The following PABPN1 variants were observed in gnomAD, a reference collection of about 807,000 sequenced individuals.
PABPN1 encodes the protein polyadenylate-binding protein 2.
Under a neutral mutation model 33.4 loss-of-function variants are expected in PABPN1, and 5 were observed. That is an observed-to-expected ratio of 0.15 (90% CI 0.08 to 0.32). The LOEUF is 0.32. Ranked by LOEUF, PABPN1 falls within the 10% of genes least tolerant of loss-of-function variation. The pLI, the probability that PABPN1 is intolerant of heterozygous loss-of-function variation, is 1.00. For synonymous variants in PABPN1, 176 were observed against 170.6 expected (o/e 1.03, Z -0.25); for missense variants, 312 against 425.8 (o/e 0.73, Z 2.35).
Position 23,322,176 on chromosome 14 carries a change from A to T in PABPN1, c.352-5A>T. 1 of 1,601,654 alleles carries T rather than the reference A, an allele frequency of 6.2e-7. No individual in the cohort carries two copies. Among genetic ancestry groups the T allele is most frequent in the Non-Finnish European group, 8.5e-7 (1 of 1,174,010 alleles). On this transcript the variant is annotated splice_region_variant and splice_polypyrimidine_tract_variant and intron_variant, in intron 1 of 6. Coordinates refer to ENST00000216727, the MANE Select transcript of PABPN1 (RefSeq NM_004643.4). ...TGTCCTCCATACCCTCCCCACTTATATTAGGAGCTGGAAGCTATCAAAGCT... is the reference window on the plus strand; with the variant it reads ...TGTCCTCCATACCCTCCCCACTTATTTTAGGAGCTGGAAGCTATCAAAGCT...
chr14:23,323,978 G>C lies in PABPN1; in HGVS notation c.655G>C (p.Glu219Gln). The C allele has an allele frequency of 6.2e-7, 1 of 1,614,118 alleles. No homozygotes were observed. The highest frequency in any genetic ancestry group is 8.5e-7 in the Non-Finnish European group (1 of 1,180,026). Residue 219 changes from glutamate to glutamine, a missense_variant, in exon 5 of 7, where the codon GAG becomes CAG. By Grantham distance (29) the Glu-to-Gln change is conservative. Around this residue, in one of 3 missense-constraint regions of PABPN1, gnomAD observed 77 missense variants for 185.7 expected, o/e 0.41. Transcript: ENST00000216727. ...AATTCTTTTCAGGTTTGCGTATATA[G>C]AGTTCTCAGACAAAGAGTCAGTGAG... ...SGHPKGFAYI[E>Q]FSDKESVRTS...
intron 2 of PABPN1, 179 bp from the exon 3 acceptor site, chr14:23,322,820 G>C (rs1391320200): frequency 1.4e-6 from 1 of 694,170 alleles, no homozygotes; most frequent in East Asian, 2.6e-5. Context: ...TGAATATTTA[G>C]TGAGTACCTG....
In PABPN1 at chr14:23,326,088, T is replaced by C. The variant is rs933084019; in HGVS notation, c.*802T>C. ...GAGGTGGGAGGTGGATTTTGTTTAT[T>C]TTTTTAGCTCATTTCCAGGGGTGGG... On this transcript the variant is annotated 3_prime_UTR_variant, in exon 7 of 7. Coordinates refer to ENST00000216727, the MANE Select transcript of PABPN1 (RefSeq NM_004643.4). The C allele has an allele frequency of 1.3e-5, 2 of 152,536 alleles. No individual in the cohort carries two copies. Among genetic ancestry groups the C allele is most frequent in the Non-Finnish European group, 2.9e-5 (2 of 68,022 alleles). The allele number at this position is 152,536 out of a possible 1,614,324, so 9.4% of individuals were successfully genotyped here.
intron 2 of PABPN1, chr14:23,322,536 C>T (rs1193142630): frequency 4.4e-5 from 24 of 549,540 alleles, no homozygotes; most frequent in Non-Finnish European, 6.9e-5. Context: ...GCTCTTTGTT[C>T]TTAGTCTACG....
rs767498336 is a variant in PABPN1 at position 23,324,211 on chromosome 14, C to G, written c.803C>G (p.Ala268Gly). Residue 268 changes from alanine to glycine, a missense_variant, in exon 6 of 7, where the codon GCC (alanine) becomes GGC (glycine). Coordinates refer to ENST00000216727, the MANE Select transcript of PABPN1 (RefSeq NM_004643.4). ...GGTTTTCCACGAGCCCGCTACCGCG[C>G]CCGGACCACCAACTACAACAGCTCC... ...DRGFPRARYR[A>G]RTTNYNSSRS... 1.2e-6 allele frequency: 2 copies of G among 1,614,082 alleles called. No individual in the cohort carries two copies. Among genetic ancestry groups the G allele is most frequent in the Non-Finnish European group, 1.7e-6 (2 of 1,180,054 alleles).
intron 2 of PABPN1, 135 bp downstream of exon 2, chr14:23,322,430 T>A: frequency 1.3e-6 from 1 of 797,040 alleles, no homozygotes; most frequent in South Asian, 1.5e-5. Context: ...GCCGCGGTCA[T>A]AGTCCGTTGT....
chr14:23,325,143 C>T (rs1888648961), intron 6 of PABPN1, 104 bp from the exon 7 acceptor site: 14 of 1,505,600 alleles, frequency 9.3e-6, no homozygotes, highest in South Asian at 9.2e-5. Context: ...CACTTCTTTT[C>T]CCCCCTTCCC....
rs1239165025 is a variant in PABPN1 at position 23,323,478 on chromosome 14, C to T, written c.636C>T (p.Pro212=). ...TILCDKFSGH[P]KGFAYIEFSD... ...TGTGTGACAAATTTAGTGGCCATCC[C>T]AAAGGGTAAGTAAAGGGGAGTAAGT... The change falls in exon 4 of 7, where the codon CCC becomes CCT. Residue 212 remains proline (P), a synonymous_variant. Transcript: ENST00000216727. 1.2e-6 allele frequency: 2 copies of T among 1,613,778 alleles called. No homozygotes were observed. Among genetic ancestry groups the T allele is most frequent in the Non-Finnish European group, 1.7e-6 (2 of 1,179,720 alleles).
chr14:23,321,499 A>C lies in PABPN1; in HGVS notation c.30A>C (p.Ala10=), dbSNP rs949691777. Residue 10 remains alanine, a synonymous_variant, in exon 1 of 7, where the codon GCA becomes GCC. Transcript: ENST00000216727. The part of the protein sequence containing the change: MAAAAAAAA[A]AGAAGGRGSG... Reference sequence around the variant, plus strand: ...CGGCGGCGGCGGCGGCGGCAGCAGCAGCGGGGGCTGCGGGCGGTCGGGGCT... The same window carrying C: ...CGGCGGCGGCGGCGGCGGCAGCAGCCGCGGGGGCTGCGGGCGGTCGGGGCT... 143 of 1,219,838 alleles carry C rather than the reference A, an allele frequency of 1.2e-4. No individual in the cohort carries two copies. The highest frequency in any genetic ancestry group is 1.3e-4 in the Non-Finnish European group (132 of 979,364). 75.6% of individuals were successfully genotyped at this position (1,219,838 alleles called of 1,614,324 possible).
Position 23,325,461 on chromosome 14 carries a change from G to C in PABPN1, c.*175G>C. ...ATCCCATAACTAACTGCTGAGGAGG[G>C]ACCTGCTTTGGGGAGTAGGGGAAGG... On this transcript the variant is annotated 3_prime_UTR_variant, in exon 7 of 7. Coordinates refer to ENST00000216727, the MANE Select transcript of PABPN1 (RefSeq NM_004643.4). 1 of 858,532 alleles carries C rather than the reference G, an allele frequency of 1.2e-6. No homozygotes were observed. Among genetic ancestry groups the C allele is most frequent in the Admixed American group, 2.9e-5 (1 of 34,086 alleles). The allele number at this position is 858,532 out of a possible 1,614,324, so 53.2% of individuals were successfully genotyped here.
In PABPN1 at chr14:23,323,488, G is replaced by A. The variant is rs956233098; in HGVS notation, c.641+5G>A. 1.2e-6 allele frequency: 2 copies of A among 1,608,412 alleles called. No homozygotes were observed. Among genetic ancestry groups the A allele is most frequent in the Non-Finnish European group, 1.7e-6 (2 of 1,174,768 alleles). On this transcript the variant is annotated splice_donor_5th_base_variant and intron_variant, in intron 4 of 6. Coordinates refer to ENST00000216727, the MANE Select transcript of PABPN1 (RefSeq NM_004643.4). Reference sequence around the variant, plus strand: ...ATTTAGTGGCCATCCCAAAGGGTAAGTAAAGGGGAGTAAGTTGAGATAATT... The same window carrying A: ...ATTTAGTGGCCATCCCAAAGGGTAAATAAAGGGGAGTAAGTTGAGATAATT...
At chr14:23,325,147 C>CA in intron 6 of PABPN1, 100 bp from the exon 7 acceptor site, 1 of 1,531,118 alleles carries the variant, frequency 6.5e-7, no homozygotes, top group Non-Finnish European at 9.0e-7. Flanking sequence ...TCTTTTCCCC[C>CA]CTTCCCTTCA....
chr14:23,324,928 T>C (rs967344839), intron 6 of PABPN1: 4 of 331,640 alleles, frequency 1.2e-5, no homozygotes, highest in African/African-American at 2.1e-5. Context: ...GAGGATCTAT[T>C]TGTGATGGCC....
rs753139856 is a variant in PABPN1 at position 23,323,411 on chromosome 14, C to T, written c.569C>T (p.Ala190Val). ...GGTGCAACAGCAGAAGAGCTGGAAG[C>T]TCACTTTCATGGCTGTGGTTCAGTC... ...DYGATAEELEAHFHGCGSVNR... is the reference protein window; with the variant it reads ...DYGATAEELEVHFHGCGSVNR... Residue 190 changes from alanine to valine, a missense_variant, in exon 4 of 7, where the codon GCT (alanine) becomes GTT (valine). Ala to Val is a moderately conservative substitution (Grantham distance 64). Transcript: ENST00000216727. The T allele has an allele frequency of 6.2e-7, 1 of 1,613,802 alleles. No individual in the cohort carries two copies. Among genetic ancestry groups the T allele is most frequent in the South Asian group, 1.1e-5 (1 of 91,074 alleles).
intron 2 of PABPN1, 156 bp downstream of exon 2, chr14:23,322,451 G>C (rs1888383042): frequency 1.4e-6 from 1 of 711,824 alleles, no homozygotes; most frequent in African/African-American, 1.8e-5. Flanking sequence ...GTGTTCCTCT[G>C]ACCTTTGTGA....
At position 23,324,329 on chromosome 14, in the gene PABPN1, G is replaced by A. The variant is rs746358858; in HGVS notation, c.881+40G>A. 22 of 1,604,732 alleles carry A rather than the reference G, an allele frequency of 1.4e-5. No individual in the cohort carries two copies. In the African/African-American group the frequency reaches 1.5e-4, roughly 11 times the overall value. Reference sequence around the variant, plus strand: ...GCTGCTCCTCTTTCCCCCGCCTCCCGTGAGCCCCGTATGCTTCCTCCTCTC... The same window carrying A: ...GCTGCTCCTCTTTCCCCCGCCTCCCATGAGCCCCGTATGCTTCCTCCTCTC... On this transcript the variant is annotated intron_variant, in intron 6 of 6. Transcript: ENST00000216727.
At chr14:23,323,867 T>C in intron 4 of PABPN1, 98 bp from the exon 5 acceptor site, 3 of 1,184,878 alleles carry the variant, frequency 2.5e-6, no homozygotes, top group Non-Finnish European at 3.7e-6. Flanking sequence ...ATAAAAAATA[T>C]AACTGCATTG....
chr14:23,325,280 T>G lies in PABPN1; in HGVS notation c.915T>G (p.Pro305=). ...CTAGAGCGACATCATGGTATTCCCC[T>G]TACTAAAAAAAGTGTGTATTAGGAG... ...GRARATSWYS[P]Y Residue 305 remains proline (P), a synonymous_variant, in exon 7 of 7, where the codon CCT becomes CCG. Coordinates refer to ENST00000216727, the MANE Select transcript of PABPN1 (RefSeq NM_004643.4). 6.2e-7 allele frequency: 1 copy of G among 1,605,596 alleles called. No homozygotes were observed. Among genetic ancestry groups the G allele is most frequent in the Non-Finnish European group, 8.5e-7 (1 of 1,178,658 alleles).
Position 23,324,171 on chromosome 14 carries a change from A to T in PABPN1, c.763A>T (p.Ser255Cys). Reference sequence around the variant, plus strand: ...AAAACGAACCAACAGACCAGGCATCAGCACAACAGACCGGGGTTTTCCACG... The same window carrying T: ...AAAACGAACCAACAGACCAGGCATCTGCACAACAGACCGGGGTTTTCCACG... ...IPKRTNRPGI[S>C]TTDRGFPRAR... is the part of the protein sequence containing the mutation. Residue 255 changes from serine (S) to cysteine (C), a missense_variant, in exon 6 of 7, where the codon AGC (serine) becomes TGC (cysteine). Ser to Cys is a moderately radical substitution (Grantham distance 112, BLOSUM62 -1). This residue lies in a region of PABPN1 where 77 missense variants were observed against 185.7 expected (regional missense o/e 0.41). Transcript: ENST00000216727. The T allele has an allele frequency of 6.2e-7, 1 of 1,614,240 alleles. No homozygotes were observed. Among genetic ancestry groups the T allele is most frequent in the Non-Finnish European group, 8.5e-7 (1 of 1,180,042 alleles).
Sources: allele counts gnomAD v4.1 joint callset, GRCh38; gene constraint gnomAD v4.1.1; regional missense constraint gnomAD v4.1.1; transcripts MANE v1.5; gene names NCBI Gene and HGNC (gene_info 2026-07-23, HGNC 2026-07-21).